The following NFIA variants were observed in gnomAD, a reference collection of about 807,000 sequenced individuals.
NFIA encodes nuclear factor I A, also known as nuclear factor 1 A-type.
In NFIA, 8 loss-of-function variants were observed where a neutral mutation model predicts 62.8. That is an observed-to-expected ratio of 0.13 (90% CI 0.07 to 0.23). The LOEUF (loss-of-function observed/expected upper bound fraction) is 0.23. Among genes scored for constraint, NFIA ranks in the 10% least tolerant of loss-of-function variants. NFIA has a pLI of 1.00. For missense variants in NFIA, 410 were observed against 642.1 expected, an observed-to-expected ratio of 0.64 and a Z score of 3.91; for synonymous variants, 235 against 238.1, an observed-to-expected ratio of 0.99 and a Z score of 0.12.
chr1:61,423,175 T>A (rs1160899047), intron 9 of NFIA, among the ~76,000 whole-genome samples: 1 of 151,688 alleles, frequency 6.6e-6, no homozygotes, highest in East Asian at 1.9e-4. Flanking sequence ...AAGCTTCTTA[T>A]AGGAACATTC....
At chr1:61,266,429 G>A (rs774700618) in intron 2 of NFIA, among the ~76,000 whole-genome samples, 2 of 151,184 alleles carry the variant, frequency 1.3e-5, no homozygotes, top group Non-Finnish European at 2.9e-5. Context: ...TCCCAGGCTG[G>A]AGTGCAGTGG....
intron 2 of NFIA, among the ~76,000 whole-genome samples, chr1:61,216,666 T>C (rs1653644087): frequency 6.6e-6 from 1 of 152,246 alleles, no homozygotes; most frequent in Non-Finnish European, 1.5e-5. Flanking sequence ...TAACTTTTAC[T>C]GTCCTATTTT....
At chr1:61,318,410 G>A (rs554220131) in intron 3 of NFIA, among the ~76,000 whole-genome samples, 166 of 152,222 alleles carry the variant, frequency 1.1e-3, no homozygotes, top group African/African-American at 3.8e-3. Flanking sequence ...CGGAAATTAG[G>A]TCAGCCTTCT....
intron 7 of NFIA, among the ~76,000 whole-genome samples, chr1:61,399,761 GC>G (rs1665458587): frequency 6.6e-6 from 1 of 152,004 alleles, no homozygotes; most frequent in Non-Finnish European, 1.5e-5. Flanking sequence ...ATTTCATATG[GC>G]CCACGCTTAG....
intron 2 of NFIA, among the ~76,000 whole-genome samples, chr1:61,227,342 C>G (rs1654396092): frequency 6.6e-6 from 1 of 150,384 alleles, no homozygotes; most frequent in Non-Finnish European, 1.5e-5. Context: ...TGAGCTGTTT[C>G]ATAATTTATC....
At chr1:61,419,375 A>G (rs1041520271) in intron 9 of NFIA, among the ~76,000 whole-genome samples, 2 of 152,138 alleles carry the variant, frequency 1.3e-5, no homozygotes, top group Non-Finnish European at 2.9e-5. Flanking sequence ...ACTTGCTGCA[A>G]TGAGCTATGA....
intron 1 of NFIA, among the ~76,000 whole-genome samples, chr1:61,086,818 T>C (rs1570119506): frequency 6.6e-6 from 1 of 152,308 alleles, no homozygotes; most frequent in East Asian, 1.9e-4. Context: ...TACTGCTACC[T>C]GTGCCTTGAA....
intron 6 of NFIA, among the ~76,000 whole-genome samples, chr1:61,375,862 G>T (rs926328606): frequency 9.2e-5 from 14 of 152,078 alleles, no homozygotes; most frequent in African/African-American, 3.4e-4. Context: ...TTTCATGGAA[G>T]TTGACTACAC....
rs147809904 is a variant in NFIA, at chr1:61,446,926, G to A, written c.1513-8377G>A. ...GCTGAGCTCCGGCCTCCACTCCCAC[G>A]CCTCTCTTTTTAAACAAGAAAGGTT... On this transcript the variant is annotated intron_variant, in intron 10 of 10. Transcript: ENST00000403491. 2.0e-4 allele frequency among the ~76,000 whole-genome samples: 31 copies of A among 152,190 alleles called. 1 individual carries two copies. The East Asian group carries it at 3.5e-3, about 17-fold the overall frequency.
chr1:61,204,073 T>C (rs1358070881), intron 2 of NFIA, among the ~76,000 whole-genome samples: 1 of 152,198 alleles, frequency 6.6e-6, no homozygotes, highest in African/African-American at 2.4e-5. Context: ...TGGGATGTAT[T>C]TTGCCACCAA....
chr1:61,264,274 A>G (rs975547759), intron 2 of NFIA, among the ~76,000 whole-genome samples: 2 of 152,180 alleles, frequency 1.3e-5, no homozygotes, highest in African/African-American at 4.8e-5. Context: ...AATAGCACGT[A>G]TGTTAGAGAC....
chr1:61,336,695 T>C (rs1220434953), intron 4 of NFIA, among the ~76,000 whole-genome samples: 1 of 152,210 alleles, frequency 6.6e-6, no homozygotes, highest in Non-Finnish European at 1.5e-5. Context: ...CCACCACTGA[T>C]CTTTTTACTC....
upstream of NFIA, chr1:61,077,559 G>A (rs954005209): frequency 3.2e-6 from 4 of 1,259,498 alleles, no homozygotes; most frequent in African/African-American, 4.6e-5. Flanking sequence ...GCAAAAAAAA[G>A]GGGACAACAA....
intron 3 of NFIA, among the ~76,000 whole-genome samples, chr1:61,306,379 G>A (rs766361762): frequency 6.4e-5 from 9 of 139,550 alleles, no homozygotes; most frequent in Non-Finnish European, 1.2e-4. Flanking sequence ...GGGTTCAAGC[G>A]ATTCTTGTGC....
At chr1:61,366,013 A>T (rs371408210) in intron 6 of NFIA, among the ~76,000 whole-genome samples, 2 of 152,158 alleles carry the variant, frequency 1.3e-5, no homozygotes, top group African/African-American at 4.8e-5. Flanking sequence ...CTGGATTTAG[A>T]TGGAATCAGA....
At chr1:61,219,283 A>T (rs748684145) in intron 2 of NFIA, among the ~76,000 whole-genome samples, 25 of 152,090 alleles carry the variant, frequency 1.6e-4, no homozygotes, top group Non-Finnish European at 2.6e-4. Context: ...TTTGTAAAAG[A>T]ATTTTTTCCA....
intron 4 of NFIA, among the ~76,000 whole-genome samples, chr1:61,340,597 T>A (rs1661845902): frequency 6.6e-6 from 1 of 152,202 alleles, no homozygotes; most frequent in Non-Finnish European, 1.5e-5. Flanking sequence ...TGCTCAACAA[T>A]GATAACCACC....
At chr1:61,264,342 C>A (rs1033261784) in intron 2 of NFIA, among the ~76,000 whole-genome samples, 1 of 152,000 alleles carries the variant, frequency 6.6e-6, no homozygotes. Flanking sequence ...AAAAAAGAAG[C>A]TTTTAGAAAA....
intron 5 of NFIA, among the ~76,000 whole-genome samples, chr1:61,355,991 C>T (rs1341395908): frequency 6.6e-6 from 1 of 152,146 alleles, no homozygotes; most frequent in Non-Finnish European, 1.5e-5. Flanking sequence ...GGGGTATTTG[C>T]ATTTTATTAG....
Sources: gnomAD v4.1 joint callset for allele counts (sites outside exome capture counted in the v4.1 genomes callset) on GRCh38, gnomAD v4.1.1 for gene constraint, MANE v1.5 for transcripts, NCBI Gene and HGNC (gene_info 2026-07-23, HGNC 2026-07-21) for gene names.